The following DIP2B variants were observed in gnomAD, a reference collection of about 807,000 sequenced individuals.
DIP2B encodes disco-interacting protein 2 homolog B.
In DIP2B, 76 loss-of-function variants were observed where a neutral mutation model predicts 198.0. The observed-to-expected ratio is 0.38, with a 90% CI of 0.32 to 0.46. The LOEUF is 0.46. DIP2B is among the 20% of genes least tolerant of loss of function. DIP2B has a pLI of 0.99. For synonymous variants in DIP2B, 701 were observed against 739.1 expected (o/e 0.95, Z 0.84); for missense variants, 1,559 against 1,978.4 (o/e 0.79, Z 4.02).
intron 11 of DIP2B, among the ~76,000 whole-genome samples, chr12:50,686,286 T>C (rs1280843931): frequency 1.3e-5 from 2 of 152,114 alleles, no homozygotes; most frequent in African/African-American, 4.8e-5. Flanking sequence ...ATGCTACATG[T>C]AGAGACAGAG....
intron 4 of DIP2B, among the ~76,000 whole-genome samples, chr12:50,663,023 T>TA (rs1359178316): frequency 1.3e-5 from 2 of 151,790 alleles, no homozygotes; most frequent in East Asian, 3.9e-4. Context: ...GCAGGGGAAT[T>TA]ACTTGAACCC....
At chr12:50,637,184 A>G (rs1938175975) in intron 2 of DIP2B, among the ~76,000 whole-genome samples, 1 of 152,166 alleles carries the variant, frequency 6.6e-6, no homozygotes, top group Non-Finnish European at 1.5e-5. Flanking sequence ...AATAGTATCT[A>G]TCACATGGTG....
rs536020134 is a variant in DIP2B, at chr12:50,543,770, A to G, written c.100+38530A>G. Among the ~76,000 whole-genome samples, 75 of 151,792 alleles carry G rather than the reference A, an allele frequency of 4.9e-4. 1 individual carries two copies. The highest frequency in any genetic ancestry group is 1.7e-3 in the African/African-American group (71 of 41,442). On this transcript the variant is annotated intron_variant, in intron 1 of 37. Coordinates refer to ENST00000301180, the MANE Select transcript of DIP2B (RefSeq NM_173602.3). The stretch of plus-strand genomic sequence containing the variant: ...GAAACCCTGTCTCTACTAATAATAC[A>G]AACATTAGCTGGGCATAGTGGCACA...
rs2139606944 is a variant in DIP2B at position 50,739,839 on chromosome 12, G to A, written c.4354+253G>A. Among the ~76,000 whole-genome samples, 3 of 152,348 alleles carry A rather than the reference G, an allele frequency of 2.0e-5. No homozygotes were observed. In the South Asian group the frequency reaches 6.2e-4, roughly 32 times the overall value. ...CAGAGAGATGTGCCTGATGGCAAGT[G>A]AGCGTCCCTGGCTAAACAGACTTTC... On this transcript the variant is annotated intron_variant, in intron 36 of 37. Transcript: ENST00000301180.
intron 1 of DIP2B, among the ~76,000 whole-genome samples, chr12:50,543,226 A>G (rs1205802030): frequency 2.6e-5 from 4 of 151,974 alleles, no homozygotes. Flanking sequence ...GTCATGGGTA[A>G]ATTAATTAAG....
chr12:50,554,061 C>T (rs1236888287), intron 1 of DIP2B, among the ~76,000 whole-genome samples: 6 of 152,004 alleles, frequency 3.9e-5, no homozygotes, highest in Non-Finnish European at 5.9e-5. Flanking sequence ...TTTTATAAGT[C>T]GTCACAACAG....
At chr12:50,578,751 G>A (rs1958687425) in intron 1 of DIP2B, among the ~76,000 whole-genome samples, 1 of 151,152 alleles carries the variant, frequency 6.6e-6, no homozygotes, top group Admixed American at 6.6e-5. Context: ...CTCGTGATCT[G>A]CCCGCCTCGG....
intron 1 of DIP2B, among the ~76,000 whole-genome samples, chr12:50,616,521 G>A (rs1192488260): frequency 6.6e-6 from 1 of 152,098 alleles, no homozygotes; most frequent in Non-Finnish European, 1.5e-5. Flanking sequence ...TTTCATCATA[G>A]GATCAATTCT....
chr12:50,604,380 A>T (rs1175498803), intron 1 of DIP2B, among the ~76,000 whole-genome samples: 4 of 152,198 alleles, frequency 2.6e-5, no homozygotes, highest in African/African-American at 7.2e-5. Context: ...CACTGTGTAC[A>T]TTATAAGTAA....
intron 1 of DIP2B, among the ~76,000 whole-genome samples, chr12:50,595,170 C>G (rs1958867846): frequency 1.3e-5 from 2 of 152,162 alleles, no homozygotes; most frequent in South Asian, 2.1e-4. Context: ...ATAATGAGAG[C>G]AAAACCATGC....
At chr12:50,612,948 CTG>C (rs1959044125) in intron 1 of DIP2B, among the ~76,000 whole-genome samples, 1 of 152,232 alleles carries the variant, frequency 6.6e-6, no homozygotes. Context: ...AGTCACTAAA[CTG>C]TGGAACATAA....
At chr12:50,527,200 G>C (rs924983606) in intron 1 of DIP2B, among the ~76,000 whole-genome samples, 1 of 152,200 alleles carries the variant, frequency 6.6e-6, no homozygotes, top group Non-Finnish European at 1.5e-5. Context: ...TATTGGTTTT[G>C]TTGAACCAAG....
chr12:50,720,758 C>G (rs1939821238), intron 25 of DIP2B, among the ~76,000 whole-genome samples: 1 of 152,128 alleles, frequency 6.6e-6, no homozygotes, highest in African/African-American at 2.4e-5. Flanking sequence ...CACTGCACTG[C>G]AGCTTGGGCA....
At chr12:50,727,587 C>T in intron 28 of DIP2B, 116 bp from the exon 29 acceptor site, 1 of 863,120 alleles carries the variant, frequency 1.2e-6, no homozygotes, top group Non-Finnish European at 1.9e-6. Context: ...ATATGAGAGG[C>T]CTAAGCTTTA....
intron 1 of DIP2B, among the ~76,000 whole-genome samples, chr12:50,609,465 G>A (rs1959012958): frequency 6.6e-6 from 1 of 152,200 alleles, no homozygotes; most frequent in East Asian, 1.9e-4. Flanking sequence ...TTGGGCAACA[G>A]GCCCTTCTAC....
chr12:50,524,772 G>C (rs1958148458), intron 1 of DIP2B, among the ~76,000 whole-genome samples: 1 of 152,150 alleles, frequency 6.6e-6, no homozygotes, highest in Non-Finnish European at 1.5e-5. Context: ...TTTTGAGACA[G>C]GTTGGAGTGT....
At chr12:50,636,327 G>A (rs1298552765) in intron 2 of DIP2B, among the ~76,000 whole-genome samples, 5 of 152,132 alleles carry the variant, frequency 3.3e-5, no homozygotes, top group African/African-American at 4.8e-5. Context: ...CCCAAATGAG[G>A]CTCATAGCAT....
intron 19 of DIP2B, among the ~76,000 whole-genome samples, chr12:50,700,033 C>T (rs1026331046): frequency 6.6e-6 from 1 of 152,134 alleles, no homozygotes; most frequent in African/African-American, 2.4e-5. Flanking sequence ...TGAAGACTGT[C>T]CTTTCACAGG....
chr12:50,709,433 C>T (rs1939572517), intron 22 of DIP2B, among the ~76,000 whole-genome samples: 1 of 151,880 alleles, frequency 6.6e-6, no homozygotes, highest in Non-Finnish European at 1.5e-5. Flanking sequence ...GAGATCGAGA[C>T]CATCCTGGCT....
Sources: allele counts gnomAD v4.1 joint callset (sites outside exome capture counted in the v4.1 genomes callset), GRCh38; gene constraint gnomAD v4.1.1; transcripts MANE v1.5; gene names NCBI Gene and HGNC (gene_info 2026-07-23, HGNC 2026-07-21).